The following ZNF679 variants were observed in gnomAD, a reference collection of about 807,000 sequenced individuals.
ZNF679 encodes the protein hypothetical protein MGC42415.
In ZNF679, 10 loss-of-function variants were observed where a neutral mutation model predicts 13.4. The ratio of observed to expected loss-of-function variants is 0.75; its 90% CI spans 0.46 to 1.27. The LOEUF (loss-of-function observed/expected upper bound fraction) is 1.27, where lower values mean the gene tolerates loss of function less well. ZNF679 is among the 50% of genes most tolerant of loss of function. ZNF679 has a pLI of 0.00. For missense variants in ZNF679, 525 were observed against 477.8 expected, an observed-to-expected ratio of 1.10 and a Z score of -0.92; for synonymous variants, 179 against 162.5, an observed-to-expected ratio of 1.10 and a Z score of -0.77.
intron 4 of ZNF679, among the ~76,000 whole-genome samples, chr7:64,264,996 G>T (rs1262217460): frequency 6.6e-6 from 1 of 150,942 alleles, no homozygotes; most frequent in East Asian, 2.0e-4. Flanking sequence ...ATTTTATTTA[G>T]GTGTCTGGTT....
Position 64,236,922 on chromosome 7 carries a change from G to GAAAAGA in ZNF679, c.-91+8272_-91+8273insAAGAAA, listed in dbSNP as rs58504724. Reference sequence around the variant, plus strand: ...AAAAAGAAAAAAAGAAAGAAAGAAAGAAGAAAGAAAGAAAGAAAGAAAGAA... The same window carrying GAAAAGA: ...AAAAAGAAAAAAAGAAAGAAAGAAAGAAAAGAAAGAAAGAAAGAAAGAAAGAAAGAA... On this transcript the variant is annotated intron_variant, in intron 1 of 4. Coordinates refer to ENST00000421025, the MANE Select transcript of ZNF679 (RefSeq NM_153363.3). 3.5e-5 allele frequency among the ~76,000 whole-genome samples: 3 copies of GAAAAGA among 85,398 alleles called. No individual in the cohort carries two copies. In the South Asian group the frequency reaches 1.4e-3, roughly 40 times the overall value. The allele number at this position is 85,398 out of a possible 152,430, so 56.0% of individuals were successfully genotyped here. A position where few individuals can be genotyped will look rare whatever the true frequency, so the allele number is the denominator to read the frequency against.
At chr7:64,233,833 G>T (rs1192090516) in intron 1 of ZNF679, among the ~76,000 whole-genome samples, 1 of 152,170 alleles carries the variant, frequency 6.6e-6, no homozygotes, top group Non-Finnish European at 1.5e-5. Flanking sequence ...CTACTCTGGA[G>T]ATGGGGAAAA....
intron 2 of ZNF679, among the ~76,000 whole-genome samples, chr7:64,256,114 T>C (rs1394577941): frequency 6.6e-6 from 1 of 152,168 alleles, no homozygotes; most frequent in East Asian, 1.9e-4. Context: ...GTTCTCTTAT[T>C]TGTGTCCACG....
intron 1 of ZNF679, among the ~76,000 whole-genome samples, chr7:64,236,987 GAAAGAAAGAAAGAAAA>G (rs1562840417): frequency 1.7e-4 from 9 of 54,512 alleles, no homozygotes; most frequent in East Asian, 5.3e-4. Context: ...AAGAAAGAAA[GAAAGAAAGAAAGAAAA>G]AGAAAGAAAG....
intron 1 of ZNF679, among the ~76,000 whole-genome samples, chr7:64,232,546 G>A (rs1787654306): frequency 6.6e-6 from 1 of 152,204 alleles, no homozygotes; most frequent in Admixed American, 6.5e-5. Context: ...TTGGTTCTGT[G>A]CCAGGGATAT....
chr7:64,264,530 T>C (rs1193803923), intron 4 of ZNF679, among the ~76,000 whole-genome samples: 2 of 152,136 alleles, frequency 1.3e-5, no homozygotes, highest in African/African-American at 2.4e-5. Context: ...GCAGGACCTC[T>C]TTTCAGCATT....
intron 1 of ZNF679, among the ~76,000 whole-genome samples, chr7:64,247,298 C>G (rs944094513): frequency 1.3e-5 from 2 of 152,182 alleles, no homozygotes; most frequent in Non-Finnish European, 1.5e-5. Context: ...TCCTGTAGGT[C>G]TCAGCCCCAT....
At chr7:64,242,523 A>T (rs115435303) in intron 1 of ZNF679, among the ~76,000 whole-genome samples, 5,684 of 152,304 alleles carry the variant, frequency 0.037, 202 homozygotes, top group East Asian at 0.17. Flanking sequence ...GGTTACAAAA[A>T]TTGGTCAATA....
chr7:64,261,860 C>CTTTTTTTTTTTTTTTTTTTTTTTTTTTTT (rs57119054), intron 4 of ZNF679, among the ~76,000 whole-genome samples: 1 of 137,384 alleles, frequency 7.3e-6, no homozygotes. Context: ...TTCTTTCTTT[C>CTTTTTTTTTTTTTTTTTTTTTTTTTTTTT]TTTTTTTTTT....
chr7:64,238,371 T>C (rs1787753867), intron 1 of ZNF679, among the ~76,000 whole-genome samples: 1 of 152,144 alleles, frequency 6.6e-6, no homozygotes, highest in South Asian at 2.1e-4. Context: ...GCTATTATGT[T>C]TGGTGCTTCC....
intron 1 of ZNF679, among the ~76,000 whole-genome samples, chr7:64,231,855 A>G (rs1266364138): frequency 6.6e-6 from 1 of 152,234 alleles, no homozygotes; most frequent in Non-Finnish European, 1.5e-5. Flanking sequence ...GCAAAGGTAG[A>G]TGTCACAATC....
At chr7:64,236,555 T>C (rs898659263) in intron 1 of ZNF679, among the ~76,000 whole-genome samples, 8 of 151,718 alleles carry the variant, frequency 5.3e-5, no homozygotes, top group Non-Finnish European at 1.5e-5. Flanking sequence ...GAGGCTGAGG[T>C]GGGTGGATCA....
intron 2 of ZNF679, among the ~76,000 whole-genome samples, chr7:64,252,590 A>G (rs1038999970): frequency 6.6e-6 from 1 of 152,268 alleles, no homozygotes. Flanking sequence ...GCTGTCGGAA[A>G]TGAATACATT....
intron 4 of ZNF679, among the ~76,000 whole-genome samples, chr7:64,261,797 C>A (rs578223906): frequency 1.3e-5 from 2 of 150,018 alleles, no homozygotes; most frequent in African/African-American, 4.9e-5. Flanking sequence ...TCAAATAGTT[C>A]TTCCCATTTG....
chr7:64,262,977 G>A (rs1334392594), intron 4 of ZNF679, among the ~76,000 whole-genome samples: 1 of 152,168 alleles, frequency 6.6e-6, no homozygotes, highest in Non-Finnish European at 1.5e-5. Flanking sequence ...ACCTGTGCAA[G>A]AATACATTGA....
intron 1 of ZNF679, among the ~76,000 whole-genome samples, chr7:64,231,498 A>G (rs911450689): frequency 6.6e-6 from 1 of 152,206 alleles, no homozygotes; most frequent in Admixed American, 6.5e-5. Flanking sequence ...ATTATGTCTC[A>G]ATGTCCCCTT....
At chr7:64,235,517 G>A (rs992973140) in intron 1 of ZNF679, among the ~76,000 whole-genome samples, 2 of 152,218 alleles carry the variant, frequency 1.3e-5, no homozygotes, top group African/African-American at 4.8e-5. Flanking sequence ...GGCCAGGCTA[G>A]GTGGCTCATG....
At chr7:64,243,189 G>T (rs74958029) in intron 1 of ZNF679, among the ~76,000 whole-genome samples, 6,954 of 152,218 alleles carry the variant, frequency 0.046, 202 homozygotes, top group Non-Finnish European at 0.065. Context: ...TTACCTGTTT[G>T]TCTAAGCCTA....
At chr7:64,252,157 G>A (rs1787951837) in intron 2 of ZNF679, among the ~76,000 whole-genome samples, 1 of 152,198 alleles carries the variant, frequency 6.6e-6, no homozygotes, top group African/African-American at 2.4e-5. Flanking sequence ...TTGTCATTGA[G>A]CATTTCAGTG....
Sources: gnomAD v4.1 joint callset for allele counts (sites outside exome capture counted in the v4.1 genomes callset) on GRCh38, gnomAD v4.1.1 for gene constraint, MANE v1.5 for transcripts, NCBI Gene and HGNC (gene_info 2026-07-23, HGNC 2026-07-21) for gene names.